The following S100Z variants were observed in gnomAD, a reference collection of about 807,000 sequenced individuals.
S100Z encodes the protein protein S100-Z.
A neutral mutation model predicts 8.5 loss-of-function variants in S100Z; 11 were observed. The ratio of observed to expected loss-of-function variants is 1.30; its 90% CI spans 0.82 to 2.15. S100Z has a LOEUF of 2.15. S100Z is among the 30% of genes most tolerant of loss of function. The pLI is 0.00. For synonymous variants in S100Z, 34 were observed against 43.8 expected (o/e 0.78, Z 0.89); for missense variants, 126 against 117.9 (o/e 1.07, Z -0.32).
intron 2 of S100Z, 34 bp downstream of exon 2, chr5:76,870,318 G>T (rs1742963618): frequency 6.6e-6 from 1 of 152,088 alleles, no homozygotes; most frequent in East Asian, 1.9e-4. Context: ...TTTCCTATAG[G>T]TAACATAATG....
In S100Z at chr5:76,876,947, C is replaced by T. The variant is rs920222265; in HGVS notation, c.142-727C>T. Among the ~76,000 whole-genome samples the T allele has an allele frequency of 1.2e-4, 19 of 152,162 alleles. 1 individual carries two copies. The highest frequency in any genetic ancestry group is 1.2e-3 in the Admixed American group (19 of 15,278). On this transcript the variant is annotated intron_variant, in intron 3 of 4. Coordinates refer to ENST00000317593, the MANE Select transcript of S100Z (RefSeq NM_130772.4). ...AACCTTCGTGAACCTTGTCTTCCCT[C>T]TTCTCTTTGCTTTCCACCCATAAAA...
chr5:76,934,843 T>C, the S100Z span, among the ~76,000 whole-genome samples: 2 of 110,428 alleles, frequency 1.8e-5, no homozygotes, highest in East Asian at 2.6e-4. Flanking sequence ...TATTTTGTTA[T>C]AGCAACACAG....
chr5:76,905,925 C>A (rs1257680895), intron 4 of S100Z, among the ~76,000 whole-genome samples: 1 of 151,116 alleles, frequency 6.6e-6, no homozygotes, highest in Non-Finnish European at 1.5e-5. Flanking sequence ...ACTTTCTGGG[C>A]TCAAGTGATC....
intron 4 of S100Z, among the ~76,000 whole-genome samples, chr5:76,887,731 G>A (rs1743697781): frequency 6.6e-6 from 1 of 152,264 alleles, no homozygotes; most frequent in South Asian, 2.1e-4. Context: ...GGTAGAAGTT[G>A]CTCAATAAAT....
intron 1 of S100Z, among the ~76,000 whole-genome samples, chr5:76,853,701 G>A (rs555697784): frequency 6.6e-6 from 1 of 152,142 alleles, no homozygotes; most frequent in South Asian, 2.1e-4. Context: ...GGAGGCTGAG[G>A]CAGGATAATT....
intron 1 of S100Z, among the ~76,000 whole-genome samples, chr5:76,853,108 A>C (rs1750777468): frequency 6.6e-6 from 1 of 152,192 alleles, no homozygotes; most frequent in Non-Finnish European, 1.5e-5. Context: ...TGCTTAAACA[A>C]TTCTAGGAGG....
chr5:76,850,788 T>G (rs761283283), intron 1 of S100Z, among the ~76,000 whole-genome samples: 1 of 152,132 alleles, frequency 6.6e-6, no homozygotes, highest in Non-Finnish European at 1.5e-5. Flanking sequence ...GGACACAAAA[T>G]TTGGGTTAGA....
At chr5:76,926,157 G>GTCT (rs1745133301), downstream of S100Z, among the ~76,000 whole-genome samples, 4 of 151,966 alleles carry the variant, frequency 2.6e-5, no homozygotes, top group South Asian at 8.3e-4. Flanking sequence ...TTTTTCTGAG[G>GTCT]AATGATGATT....
chr5:76,861,984 C>T (rs1278575516), intron 1 of S100Z, among the ~76,000 whole-genome samples: 1 of 152,060 alleles, frequency 6.6e-6, no homozygotes, highest in Admixed American at 6.6e-5. Context: ...CATCTGACTG[C>T]AGCAGTGACA....
chr5:76,936,833 G>C, the S100Z span, among the ~76,000 whole-genome samples: 2 of 152,122 alleles, frequency 1.3e-5, no homozygotes, highest in Non-Finnish European at 2.9e-5. Context: ...GAAGAGGGAA[G>C]AGGCAAGGGC....
chr5:76,885,036 G>A (rs951598910), intron 4 of S100Z, among the ~76,000 whole-genome samples: 1 of 152,170 alleles, frequency 6.6e-6, no homozygotes, highest in African/African-American at 2.4e-5. Context: ...AAATTGTCTA[G>A]ATCTCATAGG....
At chr5:76,926,669 G>A in the S100Z span, among the ~76,000 whole-genome samples, 1 of 152,184 alleles carries the variant, frequency 6.6e-6, no homozygotes, top group African/African-American at 2.4e-5. Context: ...GAACCAAGCA[G>A]GTTTTAGAAC....
At chr5:76,938,328 G>T in the S100Z span, among the ~76,000 whole-genome samples, 1 of 152,150 alleles carries the variant, frequency 6.6e-6, no homozygotes, top group Non-Finnish European at 1.5e-5. Flanking sequence ...ACTCAAAAAG[G>T]CAGGGGAAGG....
intron 4 of S100Z, among the ~76,000 whole-genome samples, chr5:76,920,504 GA>G (rs1167336417): frequency 1.3e-5 from 2 of 152,200 alleles, no homozygotes; most frequent in Non-Finnish European, 2.9e-5. Context: ...GACTTAGAAA[GA>G]ACATGCCTGC....
rs760476727 is a variant in S100Z, at chr5:76,875,500, G to A, written c.141G>A (p.Ser47=). The part of the protein sequence containing the change: ...LLQRELTEFL[S]CQKETQLVDK... The stretch of plus-strand genomic sequence containing the variant: ...AGCGAGAGCTCACGGAATTCCTCTC[G>A]GTGAGTCAGGCCTTTGTAAATGCTG... The change falls in exon 3 of 5, where the codon TCG becomes TCA. Residue 47 remains serine, a splice_region_variant and synonymous_variant. Coordinates refer to ENST00000317593, the MANE Select transcript of S100Z (RefSeq NM_130772.4). 3 of 1,605,590 alleles carry A rather than the reference G, an allele frequency of 1.9e-6. No homozygotes were observed. The highest frequency in any genetic ancestry group is 2.7e-5 in the African/African-American group (2 of 74,576).
At chr5:76,935,247 T>C in the S100Z span, among the ~76,000 whole-genome samples, 1 of 152,216 alleles carries the variant, frequency 6.6e-6, no homozygotes, top group Non-Finnish European at 1.5e-5. Flanking sequence ...AATCTGGTGA[T>C]GTGTGGAACA....
At chr5:76,936,030 G>C in the S100Z span, among the ~76,000 whole-genome samples, 3 of 152,100 alleles carry the variant, frequency 2.0e-5, no homozygotes, top group Non-Finnish European at 4.4e-5. Context: ...GCCCACCTCG[G>C]CGTCCCCAAG....
At chr5:76,888,167 G>A (rs1743715188) in intron 4 of S100Z, among the ~76,000 whole-genome samples, 1 of 150,918 alleles carries the variant, frequency 6.6e-6, no homozygotes, top group African/African-American at 2.4e-5. Context: ...TGAGGCAGGA[G>A]AATCGCTGGA....
At chr5:76,893,991 G>A (rs1174096169) in intron 4 of S100Z, among the ~76,000 whole-genome samples, 1 of 152,078 alleles carries the variant, frequency 6.6e-6, no homozygotes, top group Non-Finnish European at 1.5e-5. Context: ...CCTCACCCAG[G>A]GCTCTTAAAA....
Sources: allele counts gnomAD v4.1 joint callset (sites outside exome capture counted in the v4.1 genomes callset), GRCh38; gene constraint gnomAD v4.1.1; transcripts MANE v1.5; gene names NCBI Gene and HGNC (gene_info 2026-07-23, HGNC 2026-07-21).